The following JAKMIP2 variants were observed in gnomAD, a reference collection of about 807,000 sequenced individuals.
JAKMIP2 encodes janus kinase and microtubule interacting protein 2, also known as janus kinase and microtubule-interacting protein 2.
In JAKMIP2, 25 loss-of-function variants were observed where a neutral mutation model predicts 115.0. The observed-to-expected ratio is 0.22, with a 90% CI of 0.16 to 0.30. The LOEUF is 0.30. Among genes scored for constraint, JAKMIP2 ranks in the 10% least tolerant of loss-of-function variants. The pLI is 1.00. For missense variants in JAKMIP2, 642 were observed against 957.6 expected, an observed-to-expected ratio of 0.67 and a Z score of 4.35; for synonymous variants, 334 against 343.6, an observed-to-expected ratio of 0.97 and a Z score of 0.31.
At chr5:147,606,011 C>G (rs1755992368) in intron 20 of JAKMIP2, among the ~76,000 whole-genome samples, 1 of 152,102 alleles carries the variant, frequency 6.6e-6, no homozygotes, top group African/African-American at 2.4e-5. Flanking sequence ...ATCCTTTGCC[C>G]ACTTTTTGAT....
At chr5:147,708,810 T>C (rs1176187312) in intron 1 of JAKMIP2, among the ~76,000 whole-genome samples, 1 of 152,156 alleles carries the variant, frequency 6.6e-6, no homozygotes, top group Non-Finnish European at 1.5e-5. Context: ...TTTGTAACAT[T>C]GTAGGTTCCT....
intron 1 of JAKMIP2, among the ~76,000 whole-genome samples, chr5:147,755,179 T>C (rs1218917335): frequency 6.6e-6 from 1 of 152,190 alleles, no homozygotes; most frequent in Non-Finnish European, 1.5e-5. Flanking sequence ...GCAAATCTAC[T>C]AGGAGGTTAT....
At chr5:147,733,866 G>A (rs1231635027) in intron 1 of JAKMIP2, among the ~76,000 whole-genome samples, 2 of 152,050 alleles carry the variant, frequency 1.3e-5, no homozygotes, top group East Asian at 3.9e-4. Context: ...GTCTATCATT[G>A]ATGGGCACTT....
At chr5:147,727,900 CAT>C (rs758491090) in intron 1 of JAKMIP2, among the ~76,000 whole-genome samples, 1 of 152,000 alleles carries the variant, frequency 6.6e-6, no homozygotes, top group Non-Finnish European at 1.5e-5. Context: ...TTGATGCACA[CAT>C]GAGAGGACCT....
At chr5:147,679,093 G>A (rs923482559) in intron 1 of JAKMIP2, among the ~76,000 whole-genome samples, 5 of 151,946 alleles carry the variant, frequency 3.3e-5, no homozygotes, top group African/African-American at 7.2e-5. Flanking sequence ...TAATTCTCAC[G>A]CCTCAGCCTC....
chr5:147,662,570 T>C (rs1759067824), intron 2 of JAKMIP2, among the ~76,000 whole-genome samples: 1 of 152,076 alleles, frequency 6.6e-6, no homozygotes, highest in African/African-American at 2.4e-5. Context: ...CGTGATCCTG[T>C]TATGCTGTCC....
chr5:147,640,929 G>T, intron 8 of JAKMIP2, 106 bp from the exon 9 acceptor site: 1 of 907,640 alleles, frequency 1.1e-6, no homozygotes, highest in South Asian at 1.8e-5. Flanking sequence ...TAGAAGACAT[G>T]GATCCTCTAT....
chr5:147,635,548 GTTTC>G (rs1354473480), intron 12 of JAKMIP2, among the ~76,000 whole-genome samples: 8 of 152,190 alleles, frequency 5.3e-5, no homozygotes, highest in African/African-American at 1.9e-4. Context: ...ATTCATAGAG[GTTTC>G]TTTGTTTTGT....
intron 7 of JAKMIP2, among the ~76,000 whole-genome samples, chr5:147,642,277 G>C (rs772881062): frequency 2.0e-5 from 3 of 152,106 alleles, no homozygotes; most frequent in Non-Finnish European, 4.4e-5. Flanking sequence ...TAGCGGGTTG[G>C]AGCCATTTAG....
chr5:147,678,314 G>A (rs139098191), intron 1 of JAKMIP2, among the ~76,000 whole-genome samples: 4 of 151,940 alleles, frequency 2.6e-5, no homozygotes, highest in African/African-American at 7.3e-5. Flanking sequence ...CCCCTGGCCC[G>A]CTTAATCACC....
chr5:147,682,153 G>A (rs1391612806), intron 1 of JAKMIP2, among the ~76,000 whole-genome samples: 1 of 152,142 alleles, frequency 6.6e-6, no homozygotes, highest in Non-Finnish European at 1.5e-5. Flanking sequence ...AATATTCTAG[G>A]CAGAAGGAAT....
chr5:147,705,570 A>G (rs1203764485), intron 1 of JAKMIP2, among the ~76,000 whole-genome samples: 1 of 147,890 alleles, frequency 6.8e-6, no homozygotes. Context: ...ACCTGTCTCA[A>G]AAAAAAAAAG....
intron 1 of JAKMIP2, among the ~76,000 whole-genome samples, chr5:147,767,213 C>T (rs957251401): frequency 1.3e-5 from 2 of 152,078 alleles, no homozygotes; most frequent in East Asian, 3.9e-4. Flanking sequence ...CACATATACA[C>T]AGAGTGAAAG....
chr5:147,692,970 T>C (rs574481689), intron 1 of JAKMIP2, among the ~76,000 whole-genome samples: 2 of 152,358 alleles, frequency 1.3e-5, no homozygotes, highest in Non-Finnish European at 2.9e-5. Context: ...ATCTTATATC[T>C]TATTATCAAC....
intron 1 of JAKMIP2, among the ~76,000 whole-genome samples, chr5:147,721,182 C>G (rs978521805): frequency 6.6e-6 from 1 of 151,550 alleles, no homozygotes; most frequent in South Asian, 2.1e-4. Context: ...GTCAGGGACC[C>G]ACTTGAGGAG....
rs981697364 is a variant in JAKMIP2, at chr5:147,632,579, T to C, written c.1776+101A>G. ...GGTGATTGTGAGGTCCAAATGAGAG[T>C]ATGAATCTGAAATGCTTAATACAGC... On this transcript the variant is annotated intron_variant, in intron 13 of 21. Transcript: ENST00000616793. The C allele has an allele frequency of 5.2e-6, 4 of 764,194 alleles. No individual in the cohort carries two copies. In the African/African-American group the frequency reaches 7.0e-5, roughly 13 times the overall value. 47.3% of individuals were successfully genotyped at this position (764,194 alleles called of 1,614,324 possible).
chr5:147,600,092 T>G (rs200675141), intron 21 of JAKMIP2, among the ~76,000 whole-genome samples: 24 of 101,878 alleles, frequency 2.4e-4, no homozygotes, highest in African/African-American at 7.4e-4. Flanking sequence ...TTACTGTTTT[T>G]TTTTTTTTTT....
intron 1 of JAKMIP2, among the ~76,000 whole-genome samples, chr5:147,736,284 C>T (rs1405158033): frequency 5.3e-5 from 8 of 151,546 alleles, no homozygotes; most frequent in Admixed American, 2.6e-4. Flanking sequence ...ACTGAAACCC[C>T]GTCTCTATTA....
intron 1 of JAKMIP2, among the ~76,000 whole-genome samples, chr5:147,704,355 A>G (rs1265736086): frequency 6.6e-6 from 1 of 152,196 alleles, no homozygotes; most frequent in African/African-American, 2.4e-5. Context: ...GACTGCTACA[A>G]CGTCACTAAG....
Sources: allele counts gnomAD v4.1 joint callset (sites outside exome capture counted in the v4.1 genomes callset), GRCh38; gene constraint gnomAD v4.1.1; transcripts MANE v1.5; gene names NCBI Gene and HGNC (gene_info 2026-07-23, HGNC 2026-07-21).